Variants in ACP1 observed in about 807,000 individuals in gnomAD.
ACP1 encodes the protein acid phosphatase 1, also known as low molecular weight phosphotyrosine protein phosphatase.
ACP1 carries 23 observed loss-of-function variants against 23.4 expected under a neutral mutation model. The ratio of observed to expected loss-of-function variants is 0.98; its 90% CI spans 0.71 to 1.39. ACP1 has a LOEUF of 1.39. Among genes scored for constraint, ACP1 ranks in the 40% most tolerant of loss-of-function variants. ACP1 has a pLI of 0.00. For missense variants in ACP1, 180 were observed against 197.7 expected (o/e 0.91, Z 0.54); for synonymous variants, 72 against 67.2 (o/e 1.07, Z -0.35).
chr2:271,909 A>T lies in ACP1; in HGVS notation c.87A>T (p.Lys29Asn). The T allele has an allele frequency of 6.2e-7, 1 of 1,613,692 alleles. No homozygotes were observed. The highest frequency in any genetic ancestry group is 8.5e-7 in the Non-Finnish European group (1 of 1,179,932). Residue 29 changes from lysine (K) to asparagine (N), a missense_variant, in exon 2 of 6, where the codon AAA (lysine) becomes AAT (asparagine). By Grantham distance (94) the Lys-to-Asn change is moderately conservative. Coordinates refer to ENST00000272065, the MANE Select transcript of ACP1 (RefSeq NM_004300.4). Reference sequence around the variant, plus strand: ...CCATTGCAGAAGCAGTTTTCAGGAAACTTGTAACCGATCAAAACATCTCAG... The same window carrying T: ...CCATTGCAGAAGCAGTTTTCAGGAATCTTGTAACCGATCAAAACATCTCAG... ...RSPIAEAVFR[K>N]LVTDQNISEN...
At chr2:266,634 G>A (rs1338193766) in intron 1 of ACP1, among the ~76,000 whole-genome samples, 1 of 152,192 alleles carries the variant, frequency 6.6e-6, no homozygotes, top group Non-Finnish European at 1.5e-5. Flanking sequence ...ACCCACAAAT[G>A]TAATACCGTT....
intron 1 of ACP1, among the ~76,000 whole-genome samples, chr2:267,421 GC>G (rs1669920406): frequency 6.6e-6 from 1 of 152,204 alleles, no homozygotes; most frequent in Non-Finnish European, 1.5e-5. Flanking sequence ...GGAGTGGAGT[GC>G]AGTTTTGAGT....
At chr2:275,795 A>G (rs776255216) in intron 4 of ACP1, among the ~76,000 whole-genome samples, 4 of 152,346 alleles carry the variant, frequency 2.6e-5, no homozygotes, top group Non-Finnish European at 5.9e-5. Context: ...GGAACGGATC[A>G]TAATTTAATG....
intron 1 of ACP1, among the ~76,000 whole-genome samples, chr2:266,995 G>A (rs975801814): frequency 2.0e-5 from 3 of 152,170 alleles, no homozygotes; most frequent in African/African-American, 7.2e-5. Flanking sequence ...GGCAATAGGT[G>A]GATAGACAGC....
At chr2:267,799 ATTAT>A in intron 1 of ACP1, among the ~76,000 whole-genome samples, 1 of 152,236 alleles carries the variant, frequency 6.6e-6, no homozygotes, top group East Asian at 1.9e-4. Flanking sequence ...CCAGATTATA[ATTAT>A]TTTAGATTGG....
In ACP1 at chr2:275,207, C is replaced by A; in HGVS notation, c.293+6C>A. ...ATGGATGAAAGCAATCTGAGGTAAT[C>A]CTGTTTTTGAAGAATATTTCTGTTC... On this transcript the variant is annotated splice_donor_region_variant and intron_variant, in intron 4 of 5. Coordinates refer to ENST00000272065, the MANE Select transcript of ACP1 (RefSeq NM_004300.4). 6.7e-7 allele frequency: 1 copy of A among 1,498,522 alleles called. No individual in the cohort carries two copies. The highest frequency in any genetic ancestry group is 9.2e-7 in the Non-Finnish European group (1 of 1,091,324). The allele number at this position is 1,498,522 out of a possible 1,614,324, so 92.8% of individuals were successfully genotyped here. A position where few individuals can be genotyped will look rare whatever the true frequency, so the allele number is the denominator to read the frequency against.
chr2:272,349 A>G (rs1461007532), intron 3 of ACP1, 199 bp downstream of exon 3: 1 of 1,579,554 alleles, frequency 6.3e-7, no homozygotes, highest in South Asian at 1.1e-5. Context: ...GAGTCCAGTA[A>G]CTTGAGAAGT....
At chr2:265,077 G>C (rs928252350) in intron 1 of ACP1, 70 bp downstream of exon 1, 1 of 1,590,732 alleles carries the variant, frequency 6.3e-7, no homozygotes, top group Non-Finnish European at 8.6e-7. Context: ...TGCGCTGTAG[G>C]TTGTGCCGCC....
chr2:266,005 G>A (rs759902717), intron 1 of ACP1, among the ~76,000 whole-genome samples: 43 of 152,126 alleles, frequency 2.8e-4, no homozygotes, highest in Non-Finnish European at 3.5e-4. Context: ...CAGATCATGA[G>A]TTGCTTCCTT....
intron 1 of ACP1, among the ~76,000 whole-genome samples, chr2:266,766 C>T (rs193180348): frequency 2.6e-5 from 4 of 152,244 alleles, no homozygotes; most frequent in Admixed American, 2.0e-4. Flanking sequence ...TTTGTTCGTA[C>T]TGTAGATCTT....
intron 1 of ACP1, among the ~76,000 whole-genome samples, chr2:267,231 T>G (rs570068948): frequency 6.6e-6 from 1 of 152,312 alleles, no homozygotes; most frequent in Non-Finnish European, 1.5e-5. Flanking sequence ...TCAGTGATTT[T>G]TTGTTGTTGT....
At chr2:273,713 A>G (rs891359811) in intron 3 of ACP1, among the ~76,000 whole-genome samples, 34 of 152,376 alleles carry the variant, frequency 2.2e-4, no homozygotes, top group African/African-American at 7.0e-4. Context: ...CATTTGTTAC[A>G]TAAGTTATAG....
chr2:270,624 G>A (rs534639317), intron 1 of ACP1, among the ~76,000 whole-genome samples: 33 of 152,264 alleles, frequency 2.2e-4, no homozygotes, highest in Middle Eastern at 3.4e-3. Context: ...ATAAAGTGGA[G>A]ATAGAGTTCA....
At position 272,150 on chromosome 2, in the gene ACP1, G is replaced by C; in HGVS notation, c.231G>C (p.Gln77His). 1 of 1,614,208 alleles carries C rather than the reference G, an allele frequency of 6.2e-7. No homozygotes were observed. The highest frequency in any genetic ancestry group is 8.5e-7 in the Non-Finnish European group (1 of 1,180,036). Reference protein sequence around the residue: ...HGIPMSHVARQITKEDFATFD... With the variant: ...HGIPMSHVARHITKEDFATFD... ...TTCCCATGAGCCACGTTGCCCGGCA[G>C]GTACCGTCCTTGGACTTGAAGTTGT... The change falls in exon 3 of 6, where the codon CAG becomes CAC. Residue 77 changes from glutamine (Q) to histidine (H), a missense_variant and splice_region_variant. Gln to His is a conservative substitution (Grantham distance 24, BLOSUM62 0). This residue lies in a region of ACP1 where 132 missense variants were observed against 124.1 expected (regional missense o/e 1.06). Coordinates refer to ENST00000272065, the MANE Select transcript of ACP1 (RefSeq NM_004300.4).
At chr2:265,104 G>C in intron 1 of ACP1, 97 bp downstream of exon 1, 4 of 1,484,124 alleles carry the variant, frequency 2.7e-6, no homozygotes, top group South Asian at 1.2e-5. Context: ...GGAACCATGA[G>C]GGGGAGGAGG....
intron 1 of ACP1, chr2:269,465 A>G (rs1286178710): frequency 1.2e-5 from 5 of 405,564 alleles, no homozygotes; most frequent in Non-Finnish European, 2.5e-5. Context: ...TCCTCATTGT[A>G]TTTGTTTATC....
At chr2:267,601 G>A (rs2103070892) in intron 1 of ACP1, among the ~76,000 whole-genome samples, 1 of 152,362 alleles carries the variant, frequency 6.6e-6, no homozygotes, top group South Asian at 2.1e-4. Context: ...CAGGGAAGCT[G>A]CAGTGGCTGG....
chr2:271,757 C>A (rs1670037474), intron 1 of ACP1, 109 bp from the exon 2 acceptor site: 1 of 868,990 alleles, frequency 1.2e-6, no homozygotes, highest in East Asian at 2.4e-5. Context: ...CTTTGTTTTT[C>A]CTGAGGGATA....
intron 1 of ACP1, chr2:265,338 C>T (rs1437594518): frequency 3.4e-6 from 1 of 293,372 alleles, no homozygotes; most frequent in Non-Finnish European, 6.3e-6. Context: ...CCAGGTAGGC[C>T]TGGAGGTTGT....
Sources: allele counts gnomAD v4.1 joint callset (sites outside exome capture counted in the v4.1 genomes callset), GRCh38; gene constraint gnomAD v4.1.1; regional missense constraint gnomAD v4.1.1; transcripts MANE v1.5; gene names NCBI Gene and HGNC (gene_info 2026-07-23, HGNC 2026-07-21).